Variants in EYS observed in about 807,000 individuals in gnomAD.
EYS encodes the protein EGF-like photoreceptor maintenance factor.
A neutral mutation model predicts 282.1 loss-of-function variants in EYS; 250 were observed. That is an observed-to-expected ratio of 0.89 (90% confidence interval 0.80 to 0.98). EYS has a LOEUF of 0.98. Among genes scored for constraint, EYS ranks in the 50% least tolerant of loss-of-function variants. EYS has a pLI of 0.00. For synonymous variants in EYS, 1,355 were observed against 1,282.9 expected (o/e 1.06, Z -1.20); for missense variants, 4,016 against 3,709.0 (o/e 1.08, Z -2.15).
intron 2 of EYS, among the ~76,000 whole-genome samples, chr6:65,520,053 T>G (rs1258264975): frequency 1.4e-4 from 22 of 152,052 alleles, no homozygotes; most frequent in Non-Finnish European, 1.3e-4. Context: ...GCATATTAGA[T>G]TAACTTTTCA....
At chr6:64,503,046 G>A (rs7745554) in intron 26 of EYS, among the ~76,000 whole-genome samples, 2,377 of 152,300 alleles carry the variant, frequency 0.016, 17 homozygotes, top group East Asian at 0.031. Flanking sequence ...CAGCAGTGAT[G>A]TTATTTTATT....
At chr6:64,921,083 A>G (rs1331747007) in intron 15 of EYS, among the ~76,000 whole-genome samples, 1 of 152,162 alleles carries the variant, frequency 6.6e-6, no homozygotes, top group Non-Finnish European at 1.5e-5. Flanking sequence ...TAGGACTGGC[A>G]TTATAATAAA....
chr6:63,776,186 T>C (rs975015757), intron 40 of EYS, among the ~76,000 whole-genome samples: 1 of 152,172 alleles, frequency 6.6e-6, no homozygotes, highest in Non-Finnish European at 1.5e-5. Flanking sequence ...AAGAAAGGTA[T>C]TTTCAATTTG....
In EYS at chr6:63,806,240, T is replaced by G. The variant is rs1409907319; in HGVS notation, c.7361A>C (p.His2454Pro). 1.3e-6 allele frequency: 2 copies of G among 1,551,478 alleles called. No homozygotes were observed. Among genetic ancestry groups the G allele is most frequent in the African/African-American group, 1.4e-5 (1 of 73,036 alleles). Reference protein sequence around the residue: ...FHLKFQLANNHSALQNNLIFF... With the variant: ...FHLKFQLANNPSALQNNLIFF... ...TATCAAGTTATTTTGCAGTGCTGAG[T>G]GGTTGTTTGCCAGCTGAAACTTCAG... is the stretch of plus-strand genomic sequence containing the variant. The change falls in exon 37 of 43, where the codon CAC becomes CCC. Residue 2454 changes from histidine to proline, a missense_variant. Physicochemically the swap from His to Pro is moderately conservative, Grantham distance 77. Transcript: ENST00000503581.
intron 41 of EYS, among the ~76,000 whole-genome samples, chr6:63,752,742 G>A (rs570358964): frequency 7.9e-5 from 12 of 152,082 alleles, no homozygotes; most frequent in African/African-American, 2.2e-4. Context: ...TGATCCTCCT[G>A]CCTCGGCCTC....
chr6:64,363,956 C>T (rs191215426), intron 29 of EYS, among the ~76,000 whole-genome samples: 70 of 152,070 alleles, frequency 4.6e-4, no homozygotes, highest in African/African-American at 1.6e-3. Context: ...ATAAACCCCA[C>T]ATTTTTAATA....
chr6:65,467,804 T>C (rs567948695), intron 5 of EYS, among the ~76,000 whole-genome samples: 16 of 151,912 alleles, frequency 1.1e-4, no homozygotes, highest in Non-Finnish European at 2.2e-4. Context: ...CCAGACAAAA[T>C]AAAAATATAT....
At chr6:64,646,791 C>A (rs1185327978) in intron 22 of EYS, among the ~76,000 whole-genome samples, 4 of 147,928 alleles carry the variant, frequency 2.7e-5, no homozygotes, top group Admixed American at 6.8e-5. Flanking sequence ...GGCGACAGAG[C>A]GAGACTCCAG....
chr6:64,351,717 G>A (rs952169804), intron 29 of EYS, among the ~76,000 whole-genome samples: 16 of 151,634 alleles, frequency 1.1e-4, no homozygotes, highest in Admixed American at 6.6e-4. Flanking sequence ...TCAGGTGATT[G>A]AGGATTTCTA....
intron 13 of EYS, among the ~76,000 whole-genome samples, chr6:65,009,324 G>C (rs945810062): frequency 1.3e-5 from 2 of 152,086 alleles, no homozygotes; most frequent in African/African-American, 4.8e-5. Context: ...CCAATTTTAG[G>C]AGTAAAGAAA....
chr6:65,394,889 G>C (rs949666395), intron 7 of EYS, among the ~76,000 whole-genome samples: 1 of 151,660 alleles, frequency 6.6e-6, no homozygotes, highest in Non-Finnish European at 1.5e-5. Context: ...CTCATGTCCC[G>C]TCCTCTTCCT....
intron 19 of EYS, among the ~76,000 whole-genome samples, chr6:64,876,095 C>T (rs764142665): frequency 1.4e-4 from 21 of 151,916 alleles, no homozygotes; most frequent in Non-Finnish European, 2.8e-4. Context: ...TTTTACTTCA[C>T]CTCTAGATTT....
intron 18 of EYS, among the ~76,000 whole-genome samples, chr6:64,893,870 C>T (rs1767368791): frequency 6.6e-6 from 1 of 151,722 alleles, no homozygotes; most frequent in Admixed American, 6.6e-5. Context: ...CATATATGTA[C>T]ACATATTTAC....
intron 41 of EYS, among the ~76,000 whole-genome samples, chr6:63,737,991 C>T (rs1377912094): frequency 3.9e-5 from 6 of 152,186 alleles, no homozygotes; most frequent in Non-Finnish European, 8.8e-5. Context: ...AAGAAATGCT[C>T]ACCATCACTG....
chr6:64,154,797 G>A (rs968405859), intron 31 of EYS, among the ~76,000 whole-genome samples: 5 of 152,030 alleles, frequency 3.3e-5, no homozygotes, highest in Admixed American at 6.6e-5. Flanking sequence ...ACAATTGTGT[G>A]TTCCAAGTAG....
chr6:64,034,994 G>A (rs1357933700), intron 33 of EYS, among the ~76,000 whole-genome samples: 2 of 152,192 alleles, frequency 1.3e-5, no homozygotes, highest in African/African-American at 4.8e-5. Context: ...TATAAACAGA[G>A]AATAGCTAGA....
At chr6:63,951,914 A>ATTT (rs1329540160) in intron 35 of EYS, among the ~76,000 whole-genome samples, 3 of 152,150 alleles carry the variant, frequency 2.0e-5, no homozygotes, top group African/African-American at 7.2e-5. Flanking sequence ...TCAGAAGGCC[A>ATTT]TTTTATTCTC....
At chr6:64,501,206 G>A (rs752411518) in intron 26 of EYS, among the ~76,000 whole-genome samples, 105 of 151,656 alleles carry the variant, frequency 6.9e-4, no homozygotes, top group Admixed American at 2.9e-3. Context: ...AGCATAGGGC[G>A]TATTGTCTTT....
intron 30 of EYS, among the ~76,000 whole-genome samples, chr6:64,235,958 C>T (rs1005701900): frequency 6.6e-6 from 1 of 152,150 alleles, no homozygotes; most frequent in Non-Finnish European, 1.5e-5. Context: ...AGGGAATCCT[C>T]CCTAACTCAT....
Sources: gnomAD v4.1 joint callset for allele counts (sites outside exome capture counted in the v4.1 genomes callset) on GRCh38, gnomAD v4.1.1 for gene constraint, MANE v1.5 for transcripts, NCBI Gene and HGNC (gene_info 2026-07-23, HGNC 2026-07-21) for gene names.